The following IL1RAPL2 variants were observed in gnomAD, a reference collection of about 807,000 sequenced individuals.
IL1RAPL2 encodes the protein interleukin 1 receptor accessory protein like 2, also known as X-linked interleukin-1 receptor accessory protein-like 2.
A neutral mutation model predicts 44.1 loss-of-function variants in IL1RAPL2; 3 were observed. That is an observed-to-expected ratio of 0.07 (90% CI 0.03 to 0.18). The LOEUF (loss-of-function observed/expected upper bound fraction) is 0.18. Ranked by LOEUF, IL1RAPL2 falls within the 10% of genes least tolerant of loss-of-function variation. IL1RAPL2 has a pLI of 1.00. For missense variants in IL1RAPL2, 391 were observed against 496.4 expected (o/e 0.79, Z 2.02); for synonymous variants, 181 against 178.8 (o/e 1.01, Z -0.10).
chrX:104,940,366 T>A (rs1369921114), intron 2 of IL1RAPL2, among the ~76,000 whole-genome samples: 1 of 111,830 alleles, frequency 8.9e-6, no homozygotes, highest in African/African-American at 3.2e-5. Context: ...TATTTTCAAG[T>A]GACCTGTTTT....
In IL1RAPL2 at chrX:105,264,879, T is replaced by C. The variant is rs1216775440; in HGVS notation, c.544-2509T>C. On this transcript the variant is annotated intron_variant, in intron 4 of 10. Transcript: ENST00000372582. The stretch of plus-strand genomic sequence containing the variant: ...TGTTGGTGACCTGAAGACAACATTT[T>C]CTTATGCCACAGTTAAAAAAAAATA... Among the ~76,000 whole-genome samples the C allele has an allele frequency of 8.1e-5, 9 of 111,554 alleles. No homozygotes were observed. The Admixed American group carries it at 8.6e-4, about 11-fold the overall frequency.
chrX:105,198,147 G>A (rs1032545254), intron 3 of IL1RAPL2, among the ~76,000 whole-genome samples: 8 of 111,573 alleles, frequency 7.2e-5, no homozygotes, highest in African/African-American at 2.0e-4. Context: ...CCAGTCTACC[G>A]TTGATGGGCA....
At chrX:105,008,131 T>A (rs115841108) in intron 2 of IL1RAPL2, among the ~76,000 whole-genome samples, 2,091 of 111,112 alleles carry the variant, frequency 0.019, 50 homozygotes, top group African/African-American at 0.064. Flanking sequence ...AAGAGCATAA[T>A]GTTGGCATCT....
chrX:104,695,564 G>A (rs1353306039), intron 2 of IL1RAPL2, among the ~76,000 whole-genome samples: 1 of 94,303 alleles, frequency 1.1e-5, no homozygotes, highest in African/African-American at 3.5e-5. Flanking sequence ...TCTAATGGGT[G>A]GCCTAGCATC....
intron 1 of IL1RAPL2, among the ~76,000 whole-genome samples, chrX:104,656,785 TC>T (rs1258850147): frequency 1.8e-5 from 2 of 111,647 alleles, no homozygotes; most frequent in Non-Finnish European, 3.8e-5. Flanking sequence ...TGTTAAAGTC[TC>T]CCATTATTAT....
intron 1 of IL1RAPL2, among the ~76,000 whole-genome samples, chrX:104,634,102 G>C (rs1237625700): frequency 1.5e-4 from 17 of 111,237 alleles, no homozygotes; most frequent in Admixed American, 1.1e-3. Flanking sequence ...TCGTTATGTA[G>C]CCAGTAGTCA....
intron 2 of IL1RAPL2, among the ~76,000 whole-genome samples, chrX:104,915,985 T>C (rs1409796964): frequency 3.2e-4 from 36 of 112,157 alleles, no homozygotes; most frequent in South Asian, 7.5e-4. Flanking sequence ...TGTAGTATAG[T>C]TTGAAGTCAG....
chrX:105,175,583 T>G (rs1005631546), intron 2 of IL1RAPL2, among the ~76,000 whole-genome samples: 5 of 111,196 alleles, frequency 4.5e-5, no homozygotes, highest in Non-Finnish European at 9.4e-5. Context: ...ATAATAATAA[T>G]GATAACGTTA....
At chrX:105,110,840 G>A (rs1308196431) in intron 2 of IL1RAPL2, among the ~76,000 whole-genome samples, 1 of 111,151 alleles carries the variant, frequency 9.0e-6, no homozygotes, top group Admixed American at 9.6e-5. Flanking sequence ...GGGAGGCCAA[G>A]GCAGGAGAAC....
Position 105,312,557 on chromosome X carries a change from A to C in IL1RAPL2, c.697+45016A>C, listed in dbSNP as rs753187245. ...AATAGTTGGTATGACATTTTTCCTG[A>C]AGTTGTATAGCAATATACATGAGGA... On this transcript the variant is annotated intron_variant, in intron 5 of 10. Transcript: ENST00000372582. 2.7e-5 allele frequency among the ~76,000 whole-genome samples: 3 copies of C among 111,957 alleles called. No homozygotes were observed. In the East Asian group the frequency reaches 8.4e-4, roughly 31 times the overall value.
intron 5 of IL1RAPL2, among the ~76,000 whole-genome samples, chrX:105,427,133 A>G (rs1261082469): frequency 2.7e-5 from 3 of 112,115 alleles, no homozygotes; most frequent in Non-Finnish European, 5.6e-5. Flanking sequence ...AACTTGGCCA[A>G]CCAGGCCTAG....
At chrX:104,872,307 A>C (rs775215260) in intron 2 of IL1RAPL2, among the ~76,000 whole-genome samples, 10 of 111,599 alleles carry the variant, frequency 9.0e-5, no homozygotes, top group Non-Finnish European at 1.7e-4. Flanking sequence ...AGCAGTTTCA[A>C]CCTTTCTGGG....
At chrX:104,704,605 C>A (rs183016600) in intron 2 of IL1RAPL2, among the ~76,000 whole-genome samples, 3 of 111,093 alleles carry the variant, frequency 2.7e-5, no homozygotes, top group Non-Finnish European at 5.7e-5. Flanking sequence ...TCTTAAAGAA[C>A]GTAGTCTCTA....
intron 6 of IL1RAPL2, among the ~76,000 whole-genome samples, chrX:105,603,215 A>T (rs766115418): frequency 9.2e-6 from 1 of 108,578 alleles, no homozygotes; most frequent in Admixed American, 9.9e-5. Context: ...TCCCCAATTA[A>T]AAGATGTAGA....
chrX:105,550,017 T>C (rs1362588590), intron 6 of IL1RAPL2, among the ~76,000 whole-genome samples: 1 of 112,335 alleles, frequency 8.9e-6, no homozygotes, highest in East Asian at 2.8e-4. Flanking sequence ...GGCTTTATAC[T>C]GAGATATATT....
chrX:105,016,572 C>G lies in IL1RAPL2; in HGVS notation c.83-178903C>G, dbSNP rs144118184. On this transcript the variant is annotated intron_variant, in intron 2 of 10. Coordinates refer to ENST00000372582, the MANE Select transcript of IL1RAPL2 (RefSeq NM_017416.2). ...CCTTTTCTGCATCTATCGAGATAAT[C>G]ATATATTTTTTGTCTTTGGTTCTGT... 7.2e-5 allele frequency among the ~76,000 whole-genome samples: 8 copies of G among 111,635 alleles called. No homozygotes were observed. The East Asian group carries it at 2.3e-3, about 32-fold the overall frequency.
chrX:105,583,480 G>T (rs928615451), intron 6 of IL1RAPL2, among the ~76,000 whole-genome samples: 3 of 111,740 alleles, frequency 2.7e-5, no homozygotes, highest in South Asian at 3.8e-4. Context: ...AGGTTATCTG[G>T]TTTTTCTGCA....
chrX:105,369,493 G>A (rs1421668478), intron 5 of IL1RAPL2, among the ~76,000 whole-genome samples: 1 of 111,368 alleles, frequency 9.0e-6, no homozygotes. Context: ...GGTGTTAGAT[G>A]TGTGTTCCAG....
rs748036715 is a variant in IL1RAPL2, at chrX:104,630,666, G to T, written c.-19-28229G>T. On this transcript the variant is annotated intron_variant, in intron 1 of 10. Coordinates refer to ENST00000372582, the MANE Select transcript of IL1RAPL2 (RefSeq NM_017416.2). ...TTTTTTGGTTTCATGCAAATTGTAG[G>T]ATTGTGTTTTCTATTTCAGTAAAAA... is the stretch of plus-strand genomic sequence containing the variant. Among the ~76,000 whole-genome samples the T allele has an allele frequency of 4.5e-5, 5 of 111,133 alleles. No individual in the cohort carries two copies. In the South Asian group the frequency reaches 1.5e-3, roughly 34 times the overall value.
Sources: allele counts gnomAD v4.1 joint callset (sites outside exome capture counted in the v4.1 genomes callset), GRCh38; gene constraint gnomAD v4.1.1; transcripts MANE v1.5; gene names NCBI Gene and HGNC (gene_info 2026-07-23, HGNC 2026-07-21).